Variants in PAPPA observed in about 807,000 individuals in gnomAD.
PAPPA encodes pappalysin-1.
In PAPPA, 60 loss-of-function variants were observed where a neutral mutation model predicts 164.0. The observed-to-expected ratio is 0.37, with a 90% CI of 0.30 to 0.45. The LOEUF is 0.45. PAPPA is among the 20% of genes least tolerant of loss of function. The pLI is 1.00. For missense variants in PAPPA, 1,782 were observed against 2,087.3 expected (o/e 0.85, Z 2.85); for synonymous variants, 875 against 814.1 (o/e 1.07, Z -1.27).
intron 17 of PAPPA, among the ~76,000 whole-genome samples, chr9:116,361,041 C>T (rs904260514): frequency 6.6e-6 from 1 of 152,188 alleles, no homozygotes; most frequent in Non-Finnish European, 1.5e-5. Context: ...GAAAGCACAA[C>T]ATACGATGCC....
chr9:116,342,310 T>A (rs1325474462), intron 13 of PAPPA, among the ~76,000 whole-genome samples: 1 of 152,136 alleles, frequency 6.6e-6, no homozygotes, highest in East Asian at 1.9e-4. Flanking sequence ...CTCTTTGAGG[T>A]CTCCACATGG....
At chr9:116,219,541 G>C (rs911458463) in intron 4 of PAPPA, among the ~76,000 whole-genome samples, 13 of 152,182 alleles carry the variant, frequency 8.5e-5, no homozygotes, top group Admixed American at 6.5e-4. Flanking sequence ...GAATGAATGA[G>C]AGATATTGAG....
chr9:116,332,987 AT>A (rs1846013768), intron 12 of PAPPA: 2 of 153,134 alleles, frequency 1.3e-5, no homozygotes, highest in Admixed American at 1.3e-4. Flanking sequence ...GAGAATAGGA[AT>A]AGGAATATTG....
intron 9 of PAPPA, among the ~76,000 whole-genome samples, chr9:116,283,389 T>A (rs1564209659): frequency 2.0e-5 from 3 of 152,142 alleles, no homozygotes; most frequent in Admixed American, 2.0e-4. Flanking sequence ...ACTCTGCCAC[T>A]ATAAAGATCC....
intron 7 of PAPPA, among the ~76,000 whole-genome samples, chr9:116,245,819 A>G (rs1844790740): frequency 1.3e-5 from 2 of 152,210 alleles, no homozygotes; most frequent in Non-Finnish European, 2.9e-5. Context: ...GAAATTGCTC[A>G]TGGCTGAACT....
chr9:116,338,773 T>A (rs1846096714), intron 13 of PAPPA, among the ~76,000 whole-genome samples: 1 of 152,204 alleles, frequency 6.6e-6, no homozygotes, highest in African/African-American at 2.4e-5. Context: ...CAAAATATTG[T>A]CCAATTCACA....
intron 1 of PAPPA, among the ~76,000 whole-genome samples, chr9:116,185,158 C>T (rs544219015): frequency 2.0e-5 from 3 of 152,256 alleles, no homozygotes; most frequent in Non-Finnish European, 2.9e-5. Flanking sequence ...GACACAGAAC[C>T]TTACTTAACC....
At chr9:116,282,354 C>A (rs555728266) in intron 9 of PAPPA, among the ~76,000 whole-genome samples, 1 of 152,272 alleles carries the variant, frequency 6.6e-6, no homozygotes, top group East Asian at 1.9e-4. Context: ...TATTTTGCAT[C>A]TCTTGAATTC....
chr9:116,218,921 G>A (rs1844408810), intron 4 of PAPPA, among the ~76,000 whole-genome samples: 1 of 152,136 alleles, frequency 6.6e-6, no homozygotes, highest in Non-Finnish European at 1.5e-5. Context: ...AAGGAAAGGG[G>A]TTTACCGTGT....
At chr9:116,238,547 T>A (rs2118752732) in intron 7 of PAPPA, among the ~76,000 whole-genome samples, 1 of 152,348 alleles carries the variant, frequency 6.6e-6, no homozygotes, top group South Asian at 2.1e-4. Flanking sequence ...GCACTCAAAC[T>A]TAAGTGCTGA....
rs541907643 is a variant in PAPPA, at chr9:116,349,033, C to T, written c.3964+1824C>T. Among the ~76,000 whole-genome samples, 336 of 152,128 alleles carry T rather than the reference C, an allele frequency of 2.2e-3. 3 individuals are homozygous for T. Among genetic ancestry groups the T allele is most frequent in the African/African-American group, 7.8e-3 (322 of 41,506 alleles). ...TCCTTTCTGCCCTCAGTTTTTGCCC[C>T]ACCTGGCCCTCTCCTCTATTTGTAC... On this transcript the variant is annotated intron_variant, in intron 15 of 21. Coordinates refer to ENST00000328252, the MANE Select transcript of PAPPA (RefSeq NM_002581.5).
intron 1 of PAPPA, among the ~76,000 whole-genome samples, chr9:116,172,647 C>A (rs1843787024): frequency 6.6e-6 from 1 of 152,118 alleles, no homozygotes; most frequent in African/African-American, 2.4e-5. Flanking sequence ...ATTTGTTTTC[C>A]CCTCTTGAGC....
At chr9:116,369,064 TTC>T (rs968309334) in intron 19 of PAPPA, among the ~76,000 whole-genome samples, 1 of 152,018 alleles carries the variant, frequency 6.6e-6, no homozygotes, top group African/African-American at 2.4e-5. Context: ...TCCACTCTGT[TTC>T]TCTCTCCTCC....
Position 116,396,827 on chromosome 9 carries a change from C to A in PAPPA, c.*211C>A, listed in dbSNP as rs747919383. The A allele has an allele frequency of 5.9e-5, 34 of 580,692 alleles. No individual in the cohort carries two copies. In the Middle Eastern group the frequency reaches 1.4e-3, roughly 23 times the overall value. 36.0% of individuals were successfully genotyped at this position (580,692 alleles called of 1,614,324 possible). A position where few individuals can be genotyped will look rare whatever the true frequency, so the allele number is the denominator to read the frequency against. On this transcript the variant is annotated 3_prime_UTR_variant, in exon 22 of 22. Coordinates refer to ENST00000328252, the MANE Select transcript of PAPPA (RefSeq NM_002581.5). ...GCTGGATGATGAAATGGATTCCCAT[C>A]CCAAAGTCTGAGATGGATTGCATAT... is the stretch of plus-strand genomic sequence containing the variant.
rs933200283 is a variant in PAPPA, at chr9:116,372,629, C to A, written c.4605+4875C>A. 2.0e-5 allele frequency among the ~76,000 whole-genome samples: 3 copies of A among 151,942 alleles called. No homozygotes were observed. In the East Asian group the frequency reaches 5.8e-4, roughly 29 times the overall value. On this transcript the variant is annotated intron_variant, in intron 19 of 21. Transcript: ENST00000328252. Reference sequence around the variant, plus strand: ...GCCCAGGGATGCTGAGAGTGTTTCACAATAGAAAGTGCATCTCCCTATCCT... The same window carrying A: ...GCCCAGGGATGCTGAGAGTGTTTCAAAATAGAAAGTGCATCTCCCTATCCT...
intron 17 of PAPPA, among the ~76,000 whole-genome samples, chr9:116,361,755 C>T (rs1029731178): frequency 2.6e-5 from 4 of 152,156 alleles, no homozygotes; most frequent in East Asian, 1.9e-4. Flanking sequence ...CCCACTAGAT[C>T]GCAGAGGCAG....
chr9:116,285,760 G>A (rs1292116982), intron 9 of PAPPA: 1 of 152,210 alleles, frequency 6.6e-6, no homozygotes, highest in Admixed American at 6.5e-5. Flanking sequence ...TTTCCCAAGA[G>A]TTAGTCCAGG....
At chr9:116,190,888 A>G (rs1844034119) in intron 2 of PAPPA, among the ~76,000 whole-genome samples, 1 of 152,172 alleles carries the variant, frequency 6.6e-6, no homozygotes, top group Non-Finnish European at 1.5e-5. Context: ...GAGGCCCACC[A>G]GGTCACGTGT....
At chr9:116,236,269 T>C (rs1345602044) in intron 7 of PAPPA, among the ~76,000 whole-genome samples, 3 of 152,092 alleles carry the variant, frequency 2.0e-5, no homozygotes, top group African/African-American at 4.8e-5. Flanking sequence ...ACTGCTCTTA[T>C]GTGAAGTAGT....
Sources: gnomAD v4.1 joint callset for allele counts (sites outside exome capture counted in the v4.1 genomes callset) on GRCh38, gnomAD v4.1.1 for gene constraint, MANE v1.5 for transcripts, NCBI Gene and HGNC (gene_info 2026-07-23, HGNC 2026-07-21) for gene names.